The following VRK3 variants were observed in gnomAD, a reference collection of about 807,000 sequenced individuals.
The protein encoded by VRK3 is VRK serine/threonine kinase 3, also known as serine/threonine-protein kinase VRK3.
Under a neutral mutation model 60.4 loss-of-function variants are expected in VRK3, and 50 were observed. The observed-to-expected ratio is 0.83, with a 90% CI of 0.66 to 1.05. The LOEUF (loss-of-function observed/expected upper bound fraction) is 1.05. VRK3 is among the 50% of genes least tolerant of loss of function. The probability of loss-of-function intolerance (pLI) is 0.00; values close to 1 mark genes in which losing one functional copy is unlikely to be tolerated. For missense variants in VRK3, 549 were observed against 585.3 expected (o/e 0.94, Z 0.64); for synonymous variants, 246 against 227.8 (o/e 1.08, Z -0.72).
intron 5 of VRK3, among the ~76,000 whole-genome samples, chr19:50,003,282 T>C (rs1000921547): frequency 6.6e-6 from 1 of 152,186 alleles, no homozygotes; most frequent in East Asian, 1.9e-4. Flanking sequence ...CCCAGTGATT[T>C]TGGACTTCTG....
intron 5 of VRK3, among the ~76,000 whole-genome samples, chr19:50,004,247 T>A (rs56154904): frequency 4.7e-4 from 71 of 152,030 alleles, no homozygotes; most frequent in African/African-American, 1.5e-3. Context: ...TGGCTCTGTG[T>A]GTTTTCCTCT....
At chr19:50,011,607 A>AGTT (rs2076996140) in intron 3 of VRK3, among the ~76,000 whole-genome samples, 1 of 148,820 alleles carries the variant, frequency 6.7e-6, no homozygotes, top group Non-Finnish European at 1.5e-5. Context: ...ACTCCCTCCC[A>AGTT]TGGTCCTGCC....
At chr19:50,021,142 C>G (rs2077164670) in intron 1 of VRK3, among the ~76,000 whole-genome samples, 1 of 152,210 alleles carries the variant, frequency 6.6e-6, no homozygotes, top group Admixed American at 6.5e-5. Context: ...CCTGTTTAGT[C>G]TATACAACAG....
intron 12 of VRK3, chr19:49,982,334 T>G (rs1000852130): frequency 3.1e-6 from 2 of 647,348 alleles, no homozygotes; most frequent in Non-Finnish European, 5.6e-6. Flanking sequence ...GGTGGCTGTT[T>G]GATTTTTTGT....
intron 1 of VRK3, among the ~76,000 whole-genome samples, chr19:50,021,206 G>C (rs972169340): frequency 6.6e-6 from 1 of 152,200 alleles, no homozygotes; most frequent in Non-Finnish European, 1.5e-5. Context: ...TGTGGCATTT[G>C]TATTTTCCAA....
intron 14 of VRK3, chr19:49,978,788 C>T (rs567050808): frequency 7.3e-6 from 2 of 275,850 alleles, no homozygotes; most frequent in South Asian, 1.6e-4. Flanking sequence ...CGTCTTGATG[C>T]TATTTTTGAG....
At chr19:50,013,577 C>T (rs1017169185) in intron 3 of VRK3, among the ~76,000 whole-genome samples, 2 of 152,180 alleles carry the variant, frequency 1.3e-5, no homozygotes, top group East Asian at 1.9e-4. Context: ...CACAACTGTC[C>T]GATGGATAAA....
intron 5 of VRK3, among the ~76,000 whole-genome samples, chr19:50,005,946 T>C (rs928892818): frequency 2.7e-5 from 4 of 149,098 alleles, no homozygotes; most frequent in Non-Finnish European, 5.9e-5. Flanking sequence ...ATAGTGACGA[T>C]GGTTGCATAA....
chr19:50,011,042 T>C (rs1447910567), intron 3 of VRK3, among the ~76,000 whole-genome samples: 1 of 152,236 alleles, frequency 6.6e-6, no homozygotes, highest in African/African-American at 2.4e-5. Flanking sequence ...GAACAATTGC[T>C]TTTGTTGTAG....
chr19:49,996,768 C>A (rs1600681808), intron 7 of VRK3, among the ~76,000 whole-genome samples: 1 of 152,158 alleles, frequency 6.6e-6, no homozygotes, highest in East Asian at 1.9e-4. Flanking sequence ...AGGCACACGC[C>A]ACCACGCCTG....
chr19:50,006,891 T>C (rs1158565849), intron 5 of VRK3, among the ~76,000 whole-genome samples: 1 of 152,146 alleles, frequency 6.6e-6, no homozygotes, highest in African/African-American at 2.4e-5. Context: ...CTCCTCCCCT[T>C]CCATCCCACA....
chr19:49,987,475 C>T (rs1400594850), intron 12 of VRK3, among the ~76,000 whole-genome samples: 1 of 152,210 alleles, frequency 6.6e-6, no homozygotes, highest in Non-Finnish European at 1.5e-5. Flanking sequence ...TTCAATCTCA[C>T]CCCAGAACTT....
At position 50,011,270 on chromosome 19, in the gene VRK3, C is replaced by T. The variant is rs140091767; in HGVS notation, c.140-1885G>A. Among the ~76,000 whole-genome samples the T allele has an allele frequency of 1.4e-3, 216 of 152,340 alleles. No individual in the cohort carries two copies. In the Middle Eastern group the frequency reaches 0.051, roughly 36 times the overall value. ...ATCTCCATGGACTCCCCTTACTTTC[C>T]TACCACTTAGCTCTATATTTTAAAA... On this transcript the variant is annotated intron_variant, in intron 3 of 14. Transcript: ENST00000316763.
At chr19:50,019,122 A>C (rs192306884) in intron 2 of VRK3, 1 of 143,062 alleles carries the variant, frequency 7.0e-6, no homozygotes. Flanking sequence ...CCGAGATAGC[A>C]CCACTGCAGT....
At chr19:49,980,490 T>C (rs926212884) in intron 13 of VRK3, among the ~76,000 whole-genome samples, 1 of 151,934 alleles carries the variant, frequency 6.6e-6, no homozygotes, top group East Asian at 1.9e-4. Context: ...CCGAGGTAGG[T>C]AGATCAGTTG....
chr19:50,013,522 A>G (rs2077028183), intron 3 of VRK3, among the ~76,000 whole-genome samples: 2 of 152,256 alleles, frequency 1.3e-5, no homozygotes, highest in African/African-American at 2.4e-5. Context: ...AAATGATAAA[A>G]TGAATGTCAC....
intron 3 of VRK3, among the ~76,000 whole-genome samples, chr19:50,011,661 A>G (rs970132630): frequency 1.4e-5 from 2 of 145,716 alleles, no homozygotes; most frequent in Non-Finnish European, 3.0e-5. Context: ...TCCAGCGTGT[A>G]GTTAAAACCA....
At chr19:50,007,069 C>T (rs1456704693) in intron 5 of VRK3, among the ~76,000 whole-genome samples, 1 of 152,228 alleles carries the variant, frequency 6.6e-6, no homozygotes, top group Non-Finnish European at 1.5e-5. Context: ...CTCAAGGCAT[C>T]TCAGATCTGT....
intron 5 of VRK3, among the ~76,000 whole-genome samples, chr19:50,001,755 C>T (rs1045930166): frequency 3.5e-5 from 5 of 142,236 alleles, no homozygotes; most frequent in African/African-American, 1.1e-4. Context: ...CAAGAAACGC[C>T]AGGCTGACCC....
Sources: gnomAD v4.1 joint callset for allele counts (sites outside exome capture counted in the v4.1 genomes callset) on GRCh38, gnomAD v4.1.1 for gene constraint, MANE v1.5 for transcripts, NCBI Gene and HGNC (gene_info 2026-07-23, HGNC 2026-07-21) for gene names.